SPTAN1: variants seen among roughly 807,000 people sequenced by gnomAD.
The protein encoded by SPTAN1 is spectrin alpha chain, non-erythrocytic 1.
Under a neutral mutation model 331.3 loss-of-function variants are expected in SPTAN1, and 61 were observed. The ratio of observed to expected loss-of-function variants is 0.18; its 90% CI spans 0.15 to 0.23. The LOEUF (loss-of-function observed/expected upper bound fraction) is 0.23, where lower values mean the gene tolerates loss of function less well. SPTAN1 is among the 10% of genes least tolerant of loss of function. SPTAN1 has a pLI of 1.00. For synonymous variants in SPTAN1, 1,153 were observed against 1,173.9 expected (o/e 0.98, Z 0.36); for missense variants, 2,043 against 3,147.9 (o/e 0.65, Z 8.40).
chr9:128,617,663 C>T lies in SPTAN1; in HGVS notation c.5381C>T (p.Ser1794Leu). 1 of 1,614,126 alleles carries T rather than the reference C, an allele frequency of 6.2e-7. No individual in the cohort carries two copies. Among genetic ancestry groups the T allele is most frequent in the Non-Finnish European group, 8.5e-7 (1 of 1,180,018 alleles). ...WIKEKKLLVG[S>L]EDYGRDLTGV... Reference sequence around the variant, plus strand: ...AGGGAGAAGAAGCTGCTGGTGGGCTCAGAGGACTACGGCCGGGACCTAACC... The same window carrying T: ...AGGGAGAAGAAGCTGCTGGTGGGCTTAGAGGACTACGGCCGGGACCTAACC... The change falls in exon 42 of 57, where the codon TCA becomes TTA. Residue 1794 changes from serine (S) to leucine (L), a missense_variant. Transcript: ENST00000372739.
chr9:128,582,333 A>G, intron 12 of SPTAN1, 146 bp from the exon 13 acceptor site: 3 of 746,852 alleles, frequency 4.0e-6, no homozygotes, highest in Non-Finnish European at 7.0e-6. Flanking sequence ...TATGAGAAAA[A>G]ATGTCATCAC....
chr9:128,627,843 G>C lies in SPTAN1; in HGVS notation c.6690-82G>C, dbSNP rs1286198159. On this transcript the variant is annotated intron_variant, in intron 50 of 56. Coordinates refer to ENST00000372739, the MANE Select transcript of SPTAN1 (RefSeq NM_001130438.3). The surrounding 1 kb of genome is among the most constrained non-coding windows in gnomAD (Gnocchi z 4.9). ...TTGCTTTTGTTTTCCTTTCTTTCTTGTGTCTTCTCTCTGTCCCCCCGATTG... is the reference window on the plus strand; with the variant it reads ...TTGCTTTTGTTTTCCTTTCTTTCTTCTGTCTTCTCTCTGTCCCCCCGATTG... 1 of 1,521,618 alleles carries C rather than the reference G, an allele frequency of 6.6e-7. No individual in the cohort carries two copies. Among genetic ancestry groups the C allele is most frequent in the Non-Finnish European group, 9.1e-7 (1 of 1,095,934 alleles). 94.3% of individuals were successfully genotyped at this position (1,521,618 alleles called of 1,614,324 possible). A position where few individuals can be genotyped will look rare whatever the true frequency, so the allele number is the denominator to read the frequency against.
chr9:128,592,508 C>T (rs535037140), intron 22 of SPTAN1, among the ~76,000 whole-genome samples: 200 of 152,268 alleles, frequency 1.3e-3, no homozygotes, highest in Middle Eastern at 3.4e-3. Flanking sequence ...CTCCTGACCT[C>T]GTGATCCGCC....
intron 2 of SPTAN1, 94 bp from the exon 3 acceptor site, chr9:128,568,678 A>G: frequency 6.5e-7 from 1 of 1,548,296 alleles, no homozygotes; most frequent in Non-Finnish European, 8.8e-7. Flanking sequence ...TAGAGGGAGC[A>G]GGATTGAGGA....
At chr9:128,601,745 C>T (rs1284217716) in intron 27 of SPTAN1, among the ~76,000 whole-genome samples, 3 of 152,128 alleles carry the variant, frequency 2.0e-5, no homozygotes, top group Non-Finnish European at 2.9e-5. Flanking sequence ...ACAACCTTTC[C>T]GTGTCCACCT....
chr9:128,599,604 G>A lies in SPTAN1; in HGVS notation c.3544-476G>A, dbSNP rs146807067. The A allele has an allele frequency of 1.0e-3, 174 of 169,272 alleles. No individual in the cohort carries two copies. In the South Asian group the frequency reaches 0.015, roughly 14 times the overall value. 10.5% of individuals were successfully genotyped at this position (169,272 alleles called of 1,614,324 possible). The stretch of plus-strand genomic sequence containing the variant: ...TGCAGTTATAGCCTACTGCAGCCTC[G>A]AACTCTTGGCCTCAAGCAATCCTCC... On this transcript the variant is annotated intron_variant, in intron 26 of 56. Transcript: ENST00000372739.
intron 1 of SPTAN1, among the ~76,000 whole-genome samples, chr9:128,560,382 C>CTT (rs1366002329): frequency 7.2e-4 from 92 of 128,464 alleles, no homozygotes; most frequent in African/African-American, 2.5e-3. Flanking sequence ...CCGTGCCCGC[C>CTT]TTTTTTTTTT....
chr9:128,581,092 GAGA>G (rs1204275953), intron 11 of SPTAN1, 33 bp downstream of exon 11: 4 of 1,613,102 alleles, frequency 2.5e-6, no homozygotes, highest in South Asian at 1.1e-5. Context: ...CCAGTGGTGG[GAGA>G]AGAAGGGCCT....
At chr9:128,632,739 T>A (rs1453552605) in intron 55 of SPTAN1, 21 bp downstream of exon 55, 2 of 1,613,860 alleles carry the variant, frequency 1.2e-6, no homozygotes, top group Non-Finnish European at 1.7e-6. Context: ...TAAGGCCAGG[T>A]GCTGTGAGCC....
chr9:128,577,581 G>T lies in SPTAN1; in HGVS notation c.1085+75G>T. ...GGAAGCAGGAATAGCAGAGTTAAGG[G>T]TCTGTTCTGTGTTCTGTGAAAGTGT... is the stretch of plus-strand genomic sequence containing the variant. On this transcript the variant is annotated intron_variant, in intron 8 of 56. Coordinates refer to ENST00000372739, the MANE Select transcript of SPTAN1 (RefSeq NM_001130438.3). This position sits in a 1 kb window ranked among gnomAD's most constrained non-coding sequence, Gnocchi z 4.2. The T allele has an allele frequency of 1.3e-6, 2 of 1,589,804 alleles. No individual in the cohort carries two copies. Among genetic ancestry groups the T allele is most frequent in the Non-Finnish European group, 1.7e-6 (2 of 1,162,956 alleles).
In SPTAN1 at chr9:128,577,648, C is replaced by G. The variant is rs1851459747; in HGVS notation, c.1085+142C>G. 2 of 1,160,042 alleles carry G rather than the reference C, an allele frequency of 1.7e-6. No individual in the cohort carries two copies. Among genetic ancestry groups the G allele is most frequent in the African/African-American group, 3.0e-5 (2 of 66,284 alleles). The allele number at this position is 1,160,042 out of a possible 1,614,324, so 71.9% of individuals were successfully genotyped here. ...ATGCAAATCACTTCTTACCTATGTT[C>G]TCTCTGTTTGGAGACTGGCAACTGT... On this transcript the variant is annotated intron_variant, in intron 8 of 56. Transcript: ENST00000372739. The surrounding 1 kb of genome is among the most constrained non-coding windows in gnomAD (Gnocchi z 4.2).
Position 128,626,962 on chromosome 9 carries a change from G to A in SPTAN1, c.6576+275G>A, listed in dbSNP as rs531548428. 7 of 608,470 alleles carry A rather than the reference G, an allele frequency of 1.2e-5. No homozygotes were observed. In the East Asian group the frequency reaches 1.4e-4, roughly 12 times the overall value. 37.7% of individuals were successfully genotyped at this position (608,470 alleles called of 1,614,324 possible). A position where few individuals can be genotyped will look rare whatever the true frequency, so the allele number is the denominator to read the frequency against. ...CTTGAATAACTGGGACTACAAGCAC[G>A]TGCCACCACGCCTGGCTAATTATTT... On this transcript the variant is annotated intron_variant, in intron 49 of 56. Transcript: ENST00000372739.
intron 3 of SPTAN1, among the ~76,000 whole-genome samples, chr9:128,571,533 C>T (rs919899581): frequency 7.2e-5 from 11 of 152,072 alleles, no homozygotes; most frequent in African/African-American, 2.2e-4. Context: ...TGAAGTGAGC[C>T]GAGATCCTGC....
At chr9:128,630,870 A>C (rs1859606237) in intron 52 of SPTAN1, among the ~76,000 whole-genome samples, 1 of 151,984 alleles carries the variant, frequency 6.6e-6, no homozygotes, top group Non-Finnish European at 1.5e-5. Flanking sequence ...ACACCTGGGT[A>C]ATTTTTGTAT....
At chr9:128,608,326 ATC>A in intron 34 of SPTAN1, 50 bp downstream of exon 34, 1 of 1,612,248 alleles carries the variant, frequency 6.2e-7, no homozygotes, top group Non-Finnish European at 8.5e-7. Flanking sequence ...CCTGATTGAC[ATC>A]TGTTTCTTGG....
intron 40 of SPTAN1, among the ~76,000 whole-genome samples, chr9:128,615,314 T>G (rs1857029370): frequency 6.6e-6 from 1 of 152,158 alleles, no homozygotes; most frequent in Admixed American, 6.6e-5. Context: ...ACAGCATTTT[T>G]TTTTCACTGT....
chr9:128,586,161 C>G lies in SPTAN1; in HGVS notation c.2778+196C>G, dbSNP rs11790032. Among the ~76,000 whole-genome samples, 102,189 of 134,392 alleles carry G rather than the reference C, an allele frequency of 0.76. 41,081 individuals are homozygous for G. Among genetic ancestry groups the G allele is most frequent in the Non-Finnish European group, 0.9 (58,637 of 65,084 alleles). The allele number at this position is 134,392 out of a possible 152,430, so 88.2% of individuals were successfully genotyped here. On this transcript the variant is annotated intron_variant, in intron 19 of 56. Transcript: ENST00000372739. Reference sequence around the variant, plus strand: ...TTGGAGACAGAGTCTCACTCTTGCCCAGGCTGGACTGCAATGTTACAATTG... The same window carrying G: ...TTGGAGACAGAGTCTCACTCTTGCCGAGGCTGGACTGCAATGTTACAATTG...
chr9:128,606,484 TATA>T (rs770187977), intron 31 of SPTAN1, among the ~76,000 whole-genome samples: 5,640 of 29,022 alleles, frequency 0.19, 223 homozygotes, highest in South Asian at 0.32. Flanking sequence ...TATATATATA[TATA>T]TTTTTTTTTT....
intron 31 of SPTAN1, among the ~76,000 whole-genome samples, chr9:128,605,714 AGGCACAGT>A: frequency 6.6e-6 from 1 of 152,134 alleles, no homozygotes. Context: ...AAAAACGGCC[AGGCACAGT>A]GGCTCACGTC....
Sources: allele counts gnomAD v4.1 joint callset (sites outside exome capture counted in the v4.1 genomes callset), GRCh38; gene constraint gnomAD v4.1.1; non-coding constraint Gnocchi (gnomAD v3.1); transcripts MANE v1.5; gene names NCBI Gene and HGNC (gene_info 2026-07-23, HGNC 2026-07-21).